The following BLTP3B variants were observed in gnomAD, a reference collection of about 807,000 sequenced individuals.
BLTP3B encodes bridge-like lipid transfer protein family member 3B.
chr12:100,072,719 T>C, the BLTP3B span: 29 of 1,600,166 alleles, frequency 1.8e-5, no homozygotes, highest in East Asian at 5.2e-4. Flanking sequence ...GAATTCTATA[T>C]AGACAGCTGA....
At chr12:100,086,453 T>G in the BLTP3B span, 2 of 675,572 alleles carry the variant, frequency 3.0e-6, no homozygotes, top group Non-Finnish European at 4.9e-6. Context: ...GGAGTCCAAA[T>G]AGTAATAACT....
the BLTP3B span, among the ~76,000 whole-genome samples, chr12:100,130,885 T>C: frequency 6.7e-6 from 1 of 149,964 alleles, no homozygotes; most frequent in Non-Finnish European, 1.5e-5. Context: ...GATCGCTCCA[T>C]GCCTGGGCAA....
the BLTP3B span, chr12:100,108,397 C>T: frequency 4.3e-6 from 7 of 1,611,900 alleles, no homozygotes; most frequent in Admixed American, 3.3e-5. Flanking sequence ...CTAATGGACG[C>T]TTTATTACAA....
At chr12:100,098,993 T>TTATTA in the BLTP3B span, among the ~76,000 whole-genome samples, 1 of 141,546 alleles carries the variant, frequency 7.1e-6, no homozygotes, top group Non-Finnish European at 1.6e-5. Context: ...ACGTCACCAT[T>TTATTA]TTATTATTTT....
At chr12:100,121,568 A>G in the BLTP3B span, among the ~76,000 whole-genome samples, 5 of 149,104 alleles carry the variant, frequency 3.4e-5, no homozygotes, top group East Asian at 1.0e-3. Context: ...TGGTGGCTCA[A>G]GCTTGTAATC....
the BLTP3B span, among the ~76,000 whole-genome samples, chr12:100,109,311 T>C: frequency 2.0e-5 from 3 of 151,952 alleles, no homozygotes; most frequent in African/African-American, 7.3e-5. Flanking sequence ...TGTAAGCCAA[T>C]TAAACTTCTT....
At chr12:100,123,324 T>A in the BLTP3B span, among the ~76,000 whole-genome samples, 21 of 152,080 alleles carry the variant, frequency 1.4e-4, no homozygotes, top group African/African-American at 3.6e-4. Flanking sequence ...AAAAACAATT[T>A]AAAAAAATGG....
At chr12:100,087,884 C>T in the BLTP3B span, among the ~76,000 whole-genome samples, 1 of 152,150 alleles carries the variant, frequency 6.6e-6, no homozygotes, top group African/African-American at 2.4e-5. Flanking sequence ...TTGGTTTGTT[C>T]TAACTTTTTT....
the BLTP3B span, among the ~76,000 whole-genome samples, chr12:100,136,711 T>C: frequency 1.3e-5 from 2 of 152,236 alleles, no homozygotes; most frequent in Non-Finnish European, 2.9e-5. Flanking sequence ...GGAAAGATTT[T>C]AGACCTAGCA....
At chr12:100,064,291 T>A in the BLTP3B span, among the ~76,000 whole-genome samples, 1 of 152,170 alleles carries the variant, frequency 6.6e-6, no homozygotes, top group Non-Finnish European at 1.5e-5. Context: ...TGGGATTATG[T>A]TAAACAACCA....
the BLTP3B span, chr12:100,048,341 A>G: frequency 1.3e-6 from 1 of 796,184 alleles, no homozygotes. Flanking sequence ...CAATATACGT[A>G]CACACACTAA....
At chr12:100,081,279 T>C in the BLTP3B span, among the ~76,000 whole-genome samples, 1 of 152,228 alleles carries the variant, frequency 6.6e-6, no homozygotes, top group Non-Finnish European at 1.5e-5. Context: ...TTGTAATTTG[T>C]ATAATGTGAC....
chr12:100,083,392 T>C, the BLTP3B span, among the ~76,000 whole-genome samples: 9 of 152,060 alleles, frequency 5.9e-5, no homozygotes, highest in South Asian at 1.7e-3. Flanking sequence ...TTGTTAAAAA[T>C]GACATATTTA....
the BLTP3B span, chr12:100,095,554 T>G: frequency 8.5e-7 from 1 of 1,179,928 alleles, no homozygotes; most frequent in Non-Finnish European, 1.2e-6. Flanking sequence ...AAGAAGATTC[T>G]TGTACTCAAA....
At chr12:100,037,457 T>C in the BLTP3B span, 2 of 1,368,200 alleles carry the variant, frequency 1.5e-6, no homozygotes, top group Non-Finnish European at 1.9e-6. Context: ...CAAAAGATTG[T>C]AATGCCCGTA....
At chr12:100,050,639 C>A in the BLTP3B span, among the ~76,000 whole-genome samples, 1 of 151,824 alleles carries the variant, frequency 6.6e-6, no homozygotes, top group Non-Finnish European at 1.5e-5. Flanking sequence ...ACAGTGAGAC[C>A]CCATATCTAC....
the BLTP3B span, chr12:100,050,270 T>C: frequency 1.2e-6 from 2 of 1,611,228 alleles, no homozygotes; most frequent in South Asian, 1.1e-5. Context: ...TCCCCTCGGA[T>C]GTCAATTTCC....
At chr12:100,121,123 G>C in the BLTP3B span, among the ~76,000 whole-genome samples, 1 of 152,018 alleles carries the variant, frequency 6.6e-6, no homozygotes, top group Admixed American at 6.6e-5. Flanking sequence ...CGAGGTGGGC[G>C]GATCACCTGA....
At chr12:100,045,977 G>A in the BLTP3B span, among the ~76,000 whole-genome samples, 1 of 152,190 alleles carries the variant, frequency 6.6e-6, no homozygotes, top group East Asian at 1.9e-4. Context: ...ATGAAAAAAT[G>A]CACATCATCA....
Sources: allele counts gnomAD v4.1 joint callset (sites outside exome capture counted in the v4.1 genomes callset), GRCh38; gene constraint gnomAD v4.1.1; transcripts MANE v1.5; gene names NCBI Gene and HGNC (gene_info 2026-07-23, HGNC 2026-07-21).